Variants in TNS3 observed in about 807,000 individuals in gnomAD.
TNS3 encodes tensin 3.
TNS3 carries 45 observed loss-of-function variants against 140.9 expected under a neutral mutation model. That is an observed-to-expected ratio of 0.32 (90% CI 0.25 to 0.41). The LOEUF (loss-of-function observed/expected upper bound fraction) is 0.41. TNS3 is among the 10% of genes least tolerant of loss of function. The pLI, the probability that TNS3 is intolerant of heterozygous loss-of-function variation, is 1.00. For missense variants in TNS3, 1,716 were observed against 1,906.7 expected (o/e 0.90, Z 1.86); for synonymous variants, 815 against 788.4 (o/e 1.03, Z -0.56).
chr7:47,446,688 C>CTTTTTTTTTTTTTTTTTTTTTTTTT (rs144042398), intron 4 of TNS3, among the ~76,000 whole-genome samples: 1 of 96,678 alleles, frequency 1.0e-5, no homozygotes, highest in African/African-American at 4.5e-5. Context: ...TCCAGGCTGC[C>CTTTTTTTTTTTTTTTTTTTTTTTTT]TTTTTTTTTT....
intron 4 of TNS3, among the ~76,000 whole-genome samples, chr7:47,455,392 G>A (rs1796205060): frequency 6.6e-6 from 1 of 152,138 alleles, no homozygotes; most frequent in Admixed American, 6.5e-5. Context: ...AGAATGAAGA[G>A]CTAATGAATT....
chr7:47,440,574 C>T (rs1395779072), intron 5 of TNS3, among the ~76,000 whole-genome samples: 1 of 152,142 alleles, frequency 6.6e-6, no homozygotes, highest in East Asian at 1.9e-4. Flanking sequence ...GAGTCAGGCA[C>T]CCAATGTGAC....
At chr7:47,518,498 CTCTT>C (rs760482810) in intron 2 of TNS3, among the ~76,000 whole-genome samples, 3 of 152,170 alleles carry the variant, frequency 2.0e-5, no homozygotes, top group Non-Finnish European at 2.9e-5. Context: ...TACTCTTTCT[CTCTT>C]TCTTTCCACG....
chr7:47,368,753 G>A lies in TNS3; in HGVS notation c.1893C>T (p.Leu631=). The part of the protein sequence containing the change: ...GLVQAQPRVP[L]TPTRGTSSRV... ...TACTGCTGGTCCCTCGGGTGGGGGT[G>A]AGTGGCACTCTGGGCTGGGCCTGGA... Residue 631 remains leucine, a synonymous_variant, in exon 17 of 31, where the codon CTC becomes CTT. Transcript: ENST00000311160. The A allele has an allele frequency of 1.9e-6, 3 of 1,587,108 alleles. No individual in the cohort carries two copies. The highest frequency in any genetic ancestry group is 1.2e-5 in the South Asian group (1 of 86,210).
At chr7:47,328,137 G>A (rs1399531873) in intron 20 of TNS3, among the ~76,000 whole-genome samples, 1 of 152,058 alleles carries the variant, frequency 6.6e-6, no homozygotes, top group Non-Finnish European at 1.5e-5. Context: ...CCCAGGCAGG[G>A]CTCTGTGTTC....
At chr7:47,480,966 A>G (rs1409736682) in intron 4 of TNS3, 137 bp downstream of exon 4, 1 of 511,684 alleles carries the variant, frequency 2.0e-6, no homozygotes, top group Non-Finnish European at 3.2e-6. Context: ...GAGCCTTGTG[A>G]ATGCAAGCTA....
chr7:47,297,317 C>A, intron 23 of TNS3, 104 bp from the exon 24 acceptor site: 1 of 1,406,310 alleles, frequency 7.1e-7, no homozygotes, highest in East Asian at 2.3e-5. Context: ...TTTTTGCAAA[C>A]TGGATCAGTG....
chr7:47,537,148 C>A (rs1192609771), intron 1 of TNS3, among the ~76,000 whole-genome samples: 1 of 151,906 alleles, frequency 6.6e-6, no homozygotes, highest in African/African-American at 2.4e-5. Context: ...CTCGGCCGGG[C>A]GAGGGTGGCC....
intron 20 of TNS3, among the ~76,000 whole-genome samples, chr7:47,334,290 A>G (rs1788500991): frequency 6.6e-6 from 1 of 152,088 alleles, no homozygotes; most frequent in South Asian, 2.1e-4. Context: ...CCTACACCCT[A>G]CTCTCCAGAA....
intron 20 of TNS3, among the ~76,000 whole-genome samples, chr7:47,342,063 TG>T (rs1459254576): frequency 6.6e-6 from 1 of 152,144 alleles, no homozygotes; most frequent in African/African-American, 2.4e-5. Flanking sequence ...CCATTGTGGT[TG>T]GAGAACATGT....
At chr7:47,325,280 G>A (rs896876555) in intron 20 of TNS3, among the ~76,000 whole-genome samples, 5 of 152,062 alleles carry the variant, frequency 3.3e-5, no homozygotes, top group South Asian at 2.1e-4. Context: ...GGTGACCCTC[G>A]TCCTCCTGCC....
intron 16 of TNS3, among the ~76,000 whole-genome samples, chr7:47,377,582 G>A (rs1791474730): frequency 6.6e-6 from 1 of 152,182 alleles, no homozygotes; most frequent in South Asian, 2.1e-4. Context: ...TTTACTGCAT[G>A]TAAATTGCAT....
chr7:47,292,493 A>G (rs1785764757), intron 26 of TNS3, among the ~76,000 whole-genome samples: 1 of 152,222 alleles, frequency 6.6e-6, no homozygotes, highest in South Asian at 2.1e-4. Context: ...CATTTTGCCC[A>G]TTCCGTAGAA....
intron 2 of TNS3, among the ~76,000 whole-genome samples, chr7:47,522,575 C>T (rs2151922260): frequency 6.6e-6 from 1 of 152,282 alleles, no homozygotes; most frequent in Non-Finnish European, 1.5e-5. Flanking sequence ...ACTGAAAAAG[C>T]TAATGAAAAC....
intron 16 of TNS3, among the ~76,000 whole-genome samples, chr7:47,370,786 C>T (rs1343414450): frequency 2.0e-5 from 3 of 152,200 alleles, no homozygotes; most frequent in Non-Finnish European, 2.9e-5. Flanking sequence ...GCGTGGGCAC[C>T]TGGAATTTGA....
Position 47,411,870 on chromosome 7 carries a change from G to A in TNS3, c.648-68C>T, listed in dbSNP as rs970109185. 5.4e-6 allele frequency: 8 copies of A among 1,472,794 alleles called. No homozygotes were observed. The African/African-American group carries it at 9.8e-5, about 18-fold the overall frequency. The allele number at this position is 1,472,794 out of a possible 1,614,324, so 91.2% of individuals were successfully genotyped here. A position where few individuals can be genotyped will look rare whatever the true frequency, so the allele number is the denominator to read the frequency against. On this transcript the variant is annotated intron_variant, in intron 12 of 30. Transcript: ENST00000311160. ...ATTTTGTGGGAAGAATACATGTAGA[G>A]AAAAGCAACCCTACAACCCAAAACT...
chr7:47,468,513 C>T (rs377488734), intron 4 of TNS3, among the ~76,000 whole-genome samples: 1 of 152,092 alleles, frequency 6.6e-6, no homozygotes, highest in African/African-American at 2.4e-5. Context: ...TTTCCCGAAC[C>T]AATCACATAT....
intron 2 of TNS3, among the ~76,000 whole-genome samples, chr7:47,511,850 C>T (rs1258113161): frequency 6.6e-6 from 1 of 152,176 alleles, no homozygotes; most frequent in Non-Finnish European, 1.5e-5. Context: ...AGGCACACTG[C>T]CCGGAGCCTG....
rs1026215355 is a variant in TNS3, at chr7:47,426,304, G to A, written c.389+2008C>T. 3.3e-5 allele frequency among the ~76,000 whole-genome samples: 5 copies of A among 152,128 alleles called. No individual in the cohort carries two copies. In the South Asian group the frequency reaches 1.0e-3, roughly 32 times the overall value. On this transcript the variant is annotated intron_variant, in intron 9 of 30. Coordinates refer to ENST00000311160, the MANE Select transcript of TNS3 (RefSeq NM_022748.12). Reference sequence around the variant, plus strand: ...CTTAAACACACACGTACACAAAACTGGAAGCAACTTGGATAGGCAAAATCA... The same window carrying A: ...CTTAAACACACACGTACACAAAACTAGAAGCAACTTGGATAGGCAAAATCA...
Sources: allele counts gnomAD v4.1 joint callset (sites outside exome capture counted in the v4.1 genomes callset), GRCh38; gene constraint gnomAD v4.1.1; transcripts MANE v1.5; gene names NCBI Gene and HGNC (gene_info 2026-07-23, HGNC 2026-07-21).